DLG2: variants seen among roughly 807,000 people sequenced by gnomAD.
The protein encoded by DLG2 is disks large homolog 2.
A neutral mutation model predicts 132.5 loss-of-function variants in DLG2; 45 were observed. That is an observed-to-expected ratio of 0.34 (90% CI 0.27 to 0.44). The LOEUF is 0.44. DLG2 is among the 20% of genes least tolerant of loss of function. The probability of loss-of-function intolerance (pLI) is 1.00; values close to 1 mark genes in which losing one functional copy is unlikely to be tolerated. For synonymous variants in DLG2, 424 were observed against 419.6 expected (o/e 1.01, Z -0.13); for missense variants, 1,045 against 1,196.9 (o/e 0.87, Z 1.87).
chr11:84,572,485 A>G (rs1456190424), intron 6 of DLG2, among the ~76,000 whole-genome samples: 1 of 152,162 alleles, frequency 6.6e-6, no homozygotes, highest in East Asian at 1.9e-4. Flanking sequence ...GAGATGAGCT[A>G]TCTTACTGAG....
At chr11:84,259,243 G>C (rs1412615256) in intron 7 of DLG2, among the ~76,000 whole-genome samples, 1 of 147,238 alleles carries the variant, frequency 6.8e-6, no homozygotes, top group African/African-American at 2.6e-5. Flanking sequence ...CTGTACTCCA[G>C]CCTGGGGAGA....
At chr11:84,420,907 A>G (rs1366914759) in intron 7 of DLG2, among the ~76,000 whole-genome samples, 2 of 151,692 alleles carry the variant, frequency 1.3e-5, no homozygotes, top group African/African-American at 2.4e-5. Flanking sequence ...TGACCTCGTG[A>G]TCTGCCCGCC....
intron 3 of DLG2, among the ~76,000 whole-genome samples, chr11:85,496,825 A>G (rs1224658886): frequency 2.0e-5 from 3 of 152,226 alleles, no homozygotes; most frequent in Non-Finnish European, 4.4e-5. Context: ...ACAGACCTGC[A>G]GCTGAGAGGC....
chr11:83,628,832 T>A (rs2063073032), intron 19 of DLG2, among the ~76,000 whole-genome samples: 2 of 152,214 alleles, frequency 1.3e-5, no homozygotes, highest in African/African-American at 4.8e-5. Context: ...AAGCCGTAAA[T>A]CATGACCCAT....
chr11:84,189,578 C>T (rs1433508109), intron 8 of DLG2, among the ~76,000 whole-genome samples: 1 of 152,084 alleles, frequency 6.6e-6, no homozygotes, highest in East Asian at 1.9e-4. Context: ...GCCTAAATTC[C>T]CACCAGTGAT....
At chr11:84,264,591 A>G (rs1013644606) in intron 7 of DLG2, among the ~76,000 whole-genome samples, 6 of 152,172 alleles carry the variant, frequency 3.9e-5, no homozygotes, top group African/African-American at 1.4e-4. Context: ...CACAAGTTGG[A>G]GAGTGAAATG....
intron 6 of DLG2, among the ~76,000 whole-genome samples, chr11:84,718,968 A>C (rs1171512482): frequency 6.6e-6 from 1 of 152,174 alleles, no homozygotes; most frequent in East Asian, 1.9e-4. Context: ...GAAAAACATA[A>C]ATCTCTGGCA....
intron 3 of DLG2, among the ~76,000 whole-genome samples, chr11:85,476,946 G>A (rs2093161184): frequency 6.6e-6 from 1 of 152,040 alleles, no homozygotes. Context: ...CAAGTATTAT[G>A]TACTGTACAT....
intron 4 of DLG2, among the ~76,000 whole-genome samples, chr11:85,283,012 C>A (rs1482364010): frequency 6.6e-6 from 1 of 151,988 alleles, no homozygotes; most frequent in Non-Finnish European, 1.5e-5. Context: ...TGCATGTTCT[C>A]ACTTATAAGT....
At chr11:84,916,003 T>C (rs1218326028) in intron 6 of DLG2, among the ~76,000 whole-genome samples, 3 of 152,098 alleles carry the variant, frequency 2.0e-5, no homozygotes, top group African/African-American at 2.4e-5. Context: ...CATGAACGTA[T>C]ACATATGACT....
intron 6 of DLG2, among the ~76,000 whole-genome samples, chr11:84,947,956 C>T (rs2050430220): frequency 6.6e-6 from 1 of 152,160 alleles, no homozygotes; most frequent in Admixed American, 6.5e-5. Flanking sequence ...TGATAGGTAA[C>T]AAAGAGAAGT....
chr11:83,946,332 T>G lies in DLG2; in HGVS notation c.1341-15849A>C, dbSNP rs1334719890. ...TTCTGAGGTCAAAGACACAATGAAT[T>G]TAAGACAGTGATTCCCAAATCTACC... is the stretch of plus-strand genomic sequence containing the variant. On this transcript the variant is annotated intron_variant, in intron 14 of 27. Coordinates refer to ENST00000376104, the MANE Select transcript of DLG2 (RefSeq NM_001142699.3). Among the ~76,000 whole-genome samples, 3 of 152,154 alleles carry G rather than the reference T, an allele frequency of 2.0e-5. 1 individual carries two copies. Among genetic ancestry groups the G allele is most frequent in the South Asian group, 4.1e-4 (2 of 4,830 alleles).
chr11:83,826,540 C>T (rs1026705503), intron 17 of DLG2, among the ~76,000 whole-genome samples: 8 of 152,102 alleles, frequency 5.3e-5, no homozygotes, highest in African/African-American at 1.4e-4. Flanking sequence ...AGAGCAAATG[C>T]CTGGAACAAG....
intron 3 of DLG2, among the ~76,000 whole-genome samples, chr11:85,306,110 A>G (rs2152801450): frequency 6.6e-6 from 1 of 152,310 alleles, no homozygotes; most frequent in African/African-American, 2.4e-5. Flanking sequence ...TTGTAAAATT[A>G]TTGTAAGATT....
chr11:83,611,824 G>C (rs973331168), intron 19 of DLG2, among the ~76,000 whole-genome samples: 2 of 152,240 alleles, frequency 1.3e-5, no homozygotes, highest in African/African-American at 4.8e-5. Flanking sequence ...CCAGGTGGCA[G>C]CTGTCAAGGT....
Position 83,748,601 on chromosome 11 carries a change from G to C in DLG2, c.1825+38089C>G, listed in dbSNP as rs60799829. On this transcript the variant is annotated intron_variant, in intron 18 of 27. Transcript: ENST00000376104. The stretch of plus-strand genomic sequence containing the variant: ...TCCAAAATGCCATTCAGCTCAGAAA[G>C]AAACATGACTCTGCCTGAGGTAGAA... 6.2e-3 allele frequency among the ~76,000 whole-genome samples: 940 copies of C among 152,292 alleles called. 7 individuals carry two copies. Among genetic ancestry groups the C allele is most frequent in the African/African-American group, 0.021 (889 of 41,552 alleles).
intron 18 of DLG2, among the ~76,000 whole-genome samples, chr11:83,688,356 A>C (rs2080209278): frequency 6.6e-6 from 1 of 152,182 alleles, no homozygotes; most frequent in African/African-American, 2.4e-5. Context: ...TCTGAGGATT[A>C]AATGAGATCA....
At chr11:83,501,550 A>C (rs890981531) in intron 21 of DLG2, among the ~76,000 whole-genome samples, 42 of 152,176 alleles carry the variant, frequency 2.8e-4, no homozygotes, top group African/African-American at 9.9e-4. Flanking sequence ...AGACCAGTTG[A>C]TCGCTGAGGA....
intron 6 of DLG2, among the ~76,000 whole-genome samples, chr11:84,980,112 T>C (rs564842899): frequency 6.6e-5 from 10 of 152,298 alleles, no homozygotes; most frequent in Non-Finnish European, 1.3e-4. Context: ...TTTAACTAAA[T>C]AGCTATAAAG....
Sources: allele counts gnomAD v4.1 joint callset (sites outside exome capture counted in the v4.1 genomes callset), GRCh38; gene constraint gnomAD v4.1.1; transcripts MANE v1.5; gene names NCBI Gene and HGNC (gene_info 2026-07-23, HGNC 2026-07-21).